Variants in BMP2K observed in about 807,000 individuals in gnomAD.
The protein encoded by BMP2K is BMP2 inducible kinase, also known as BMP-2-inducible protein kinase.
Under a neutral mutation model 116.0 loss-of-function variants are expected in BMP2K, and 74 were observed. The ratio of observed to expected loss-of-function variants is 0.64; its 90% CI spans 0.53 to 0.77. The LOEUF is 0.77. BMP2K is among the 30% of genes least tolerant of loss of function. BMP2K has a pLI of 0.00. For synonymous variants in BMP2K, 486 were observed against 502.5 expected (o/e 0.97, Z 0.44); for missense variants, 1,365 against 1,403.6 (o/e 0.97, Z 0.44).
rs1269079582 is a variant in BMP2K at position 78,910,610 on chromosome 4, G to T, written c.2063G>T (p.Gly688Val). Reference sequence around the variant, plus strand: ...TAATAATATTTATTTGAACTTGCAGGTTCTCCTGAAAAGAAAGCTGAACAT... The same window carrying T: ...TAATAATATTTATTTGAACTTGCAGTTTCTCCTGAAAAGAAAGCTGAACAT... Reference protein sequence around the residue: ...FGSVPFISHSGSPEKKAEHSS... With the variant: ...FGSVPFISHSVSPEKKAEHSS... Residue 688 changes from glycine to valine, a missense_variant and splice_region_variant, in exon 16 of 16, where the codon GGT becomes GTT. This residue lies in a region of BMP2K where 596 missense variants were observed against 623.2 expected (regional missense o/e 0.96). Coordinates refer to ENST00000502613, the MANE Select transcript of BMP2K (RefSeq NM_198892.2). The T allele has an allele frequency of 1.3e-6, 2 of 1,525,244 alleles. No individual in the cohort carries two copies. Among genetic ancestry groups the T allele is most frequent in the Non-Finnish European group, 1.8e-6 (2 of 1,141,458 alleles). 94.5% of individuals were successfully genotyped at this position (1,525,244 alleles called of 1,614,324 possible).
intron 9 of BMP2K, among the ~76,000 whole-genome samples, chr4:78,864,602 C>T (rs1731956601): frequency 6.6e-6 from 1 of 151,508 alleles, no homozygotes; most frequent in African/African-American, 2.4e-5. Flanking sequence ...GTTAATAGGG[C>T]TCCCTCTTGT....
intron 14 of BMP2K, among the ~76,000 whole-genome samples, chr4:78,883,732 T>C (rs962308871): frequency 1.3e-5 from 2 of 152,176 alleles, no homozygotes; most frequent in Non-Finnish European, 2.9e-5. Flanking sequence ...CTTCACAGTT[T>C]TATAAGCTGG....
intron 10 of BMP2K, 131 bp from the exon 11 acceptor site, chr4:78,870,652 T>G: frequency 8.1e-7 from 1 of 1,229,494 alleles, no homozygotes; most frequent in Non-Finnish European, 1.1e-6. Context: ...TCTATGCATA[T>G]GGAAGTTTTT....
At chr4:78,883,081 G>A (rs2110070579) in intron 14 of BMP2K, among the ~76,000 whole-genome samples, 1 of 151,990 alleles carries the variant, frequency 6.6e-6, no homozygotes, top group East Asian at 1.9e-4. Context: ...TTGATTCTAG[G>A]ATTTTAAAAT....
intron 6 of BMP2K, among the ~76,000 whole-genome samples, chr4:78,850,651 G>A (rs79682936): frequency 6.6e-6 from 1 of 151,752 alleles, no homozygotes; most frequent in East Asian, 1.9e-4. Context: ...AGAAATAAAA[G>A]TTTAATTTTT....
At chr4:78,826,311 CA>C (rs138130946) in intron 2 of BMP2K, among the ~76,000 whole-genome samples, 156 bp downstream of exon 2, 8,864 of 152,254 alleles carry the variant, frequency 0.058, 367 homozygotes, top group East Asian at 0.22. Context: ...AAGCAATTCT[CA>C]TGCCTCAGAC....
intron 7 of BMP2K, among the ~76,000 whole-genome samples, chr4:78,857,626 C>T (rs1731564318): frequency 1.3e-5 from 2 of 151,992 alleles, no homozygotes; most frequent in South Asian, 2.1e-4. Context: ...TAAACCATAC[C>T]CCTTTCTTTT....
intron 13 of BMP2K, 62 bp downstream of exon 13, chr4:78,872,860 G>T: frequency 2.7e-6 from 4 of 1,506,046 alleles, no homozygotes; most frequent in Non-Finnish European, 3.7e-6. Context: ...ATCGTTGAAT[G>T]GTCGGTCATT....
chr4:78,860,998 T>C (rs2110045895), intron 8 of BMP2K, among the ~76,000 whole-genome samples: 1 of 151,966 alleles, frequency 6.6e-6, no homozygotes, highest in Non-Finnish European at 1.5e-5. Flanking sequence ...TCTTGAAAAT[T>C]ATCTGTAGTA....
At chr4:78,814,425 T>C (rs1729232770) in intron 1 of BMP2K, among the ~76,000 whole-genome samples, 1 of 152,202 alleles carries the variant, frequency 6.6e-6, no homozygotes, top group Admixed American at 6.5e-5. Flanking sequence ...CCATCTTGAA[T>C]TGTAGTCCCT....
At chr4:78,900,120 C>T (rs1409844935) in intron 15 of BMP2K, among the ~76,000 whole-genome samples, 1 of 152,188 alleles carries the variant, frequency 6.6e-6, no homozygotes, top group Non-Finnish European at 1.5e-5. Context: ...TTCTTTGCTC[C>T]TCAGCCTACT....
intron 1 of BMP2K, among the ~76,000 whole-genome samples, chr4:78,799,777 T>G (rs1728481743): frequency 6.6e-6 from 1 of 152,204 alleles, no homozygotes; most frequent in African/African-American, 2.4e-5. Flanking sequence ...AAGATTTGAT[T>G]TTTCCTTTCA....
intron 15 of BMP2K, among the ~76,000 whole-genome samples, chr4:78,888,869 T>A (rs1429698814): frequency 6.6e-6 from 1 of 152,026 alleles, no homozygotes; most frequent in East Asian, 1.9e-4. Context: ...CAGAAAAAAA[T>A]CATGACTATC....
chr4:78,887,687 C>T (rs1322860921), intron 15 of BMP2K, among the ~76,000 whole-genome samples: 1 of 151,900 alleles, frequency 6.6e-6, no homozygotes, highest in African/African-American at 2.4e-5. Flanking sequence ...TTGTTTTACT[C>T]TTGTCTTCTT....
intron 9 of BMP2K, among the ~76,000 whole-genome samples, chr4:78,864,087 A>C (rs1374958933): frequency 6.6e-6 from 1 of 152,168 alleles, no homozygotes; most frequent in African/African-American, 2.4e-5. Context: ...TATTGATAAA[A>C]CAGAGACATC....
chr4:78,813,903 A>T (rs559366615), intron 1 of BMP2K, among the ~76,000 whole-genome samples: 2 of 152,102 alleles, frequency 1.3e-5, no homozygotes, highest in Non-Finnish European at 2.9e-5. Context: ...CAGTTCTCTG[A>T]TTTGCTTGTA....
At chr4:78,868,361 C>T (rs1038813690) in intron 10 of BMP2K, among the ~76,000 whole-genome samples, 13 of 152,252 alleles carry the variant, frequency 8.5e-5, no homozygotes, top group African/African-American at 2.9e-4. Context: ...ATTCAGTTAC[C>T]TCCCCCTGGG....
intron 13 of BMP2K, among the ~76,000 whole-genome samples, chr4:78,873,702 GTGTA>G (rs1486700900): frequency 6.7e-6 from 1 of 148,580 alleles, no homozygotes; most frequent in Non-Finnish European, 1.5e-5. Context: ...GTGTGTGTGT[GTGTA>G]TGCATGCATG....
intron 4 of BMP2K, 108 bp downstream of exon 4, chr4:78,842,635 C>A: frequency 2.1e-6 from 2 of 940,496 alleles, no homozygotes; most frequent in Non-Finnish European, 3.0e-6. Flanking sequence ...GTTGGTCTCT[C>A]TCTCCCCTTC....
Sources: gnomAD v4.1 joint callset for allele counts (sites outside exome capture counted in the v4.1 genomes callset) on GRCh38, gnomAD v4.1.1 for gene constraint, gnomAD v4.1.1 regional missense constraint, MANE v1.5 for transcripts, NCBI Gene and HGNC (gene_info 2026-07-23, HGNC 2026-07-21) for gene names.